Variants in AKAP6 observed in about 807,000 individuals in gnomAD.
AKAP6 encodes A-kinase anchor protein 6.
AKAP6 carries 58 observed loss-of-function variants against 188.5 expected under a neutral mutation model. The ratio of observed to expected loss-of-function variants is 0.31; its 90% CI spans 0.25 to 0.38. The LOEUF (loss-of-function observed/expected upper bound fraction) is 0.38. Among genes scored for constraint, AKAP6 ranks in the 10% least tolerant of loss-of-function variants. The pLI is 1.00. For synonymous variants in AKAP6, 989 were observed against 998.6 expected, an observed-to-expected ratio of 0.99 and a Z score of 0.18; for missense variants, 2,710 against 2,740.0, an observed-to-expected ratio of 0.99 and a Z score of 0.24.
At chr14:32,740,236 C>T (rs1384916339) in intron 11 of AKAP6, among the ~76,000 whole-genome samples, 1 of 151,862 alleles carries the variant, frequency 6.6e-6, no homozygotes, top group African/African-American at 2.4e-5. Context: ...GATTTTTTCC[C>T]TATACAGTTG....
At chr14:32,585,326 A>G (rs1327549625) in intron 5 of AKAP6, among the ~76,000 whole-genome samples, 4 of 152,244 alleles carry the variant, frequency 2.6e-5, no homozygotes, top group African/African-American at 9.6e-5. Context: ...ACAATCAACC[A>G]CAAGAGCCTG....
At chr14:32,491,021 A>G (rs140599349) in intron 2 of AKAP6, among the ~76,000 whole-genome samples, 9 of 152,322 alleles carry the variant, frequency 5.9e-5, no homozygotes, top group African/African-American at 1.9e-4. Flanking sequence ...AATACCAGAA[A>G]AGACATTTAA....
At chr14:32,510,617 T>C (rs575540310) in intron 2 of AKAP6, among the ~76,000 whole-genome samples, 2 of 151,620 alleles carry the variant, frequency 1.3e-5, no homozygotes, top group East Asian at 3.9e-4. Flanking sequence ...CTACCACTTA[T>C]ATAGCCTACT....
At chr14:32,489,154 T>C (rs1031170031) in intron 2 of AKAP6, among the ~76,000 whole-genome samples, 2 of 152,226 alleles carry the variant, frequency 1.3e-5, no homozygotes, top group Non-Finnish European at 2.9e-5. Context: ...TAGTATATTT[T>C]ACTATTCAGG....
chr14:32,350,491 T>C (rs901286407), intron 1 of AKAP6, among the ~76,000 whole-genome samples: 3 of 152,164 alleles, frequency 2.0e-5, no homozygotes, highest in Admixed American at 2.0e-4. Flanking sequence ...TAAGGACATA[T>C]GACAACTAAA....
intron 11 of AKAP6, among the ~76,000 whole-genome samples, chr14:32,744,036 A>C (rs187363062): frequency 6.6e-6 from 1 of 152,218 alleles, no homozygotes; most frequent in East Asian, 1.9e-4. Context: ...TTTGAAAGAT[A>C]TTTTTGCCAG....
rs1457188307 is a variant in AKAP6 at position 32,334,680 on chromosome 14, C to T, written c.-35+5272C>T. On this transcript the variant is annotated intron_variant, in intron 1 of 13. Coordinates refer to ENST00000280979, the MANE Select transcript of AKAP6 (RefSeq NM_004274.5). ...TCCACTGGGGGTCTTGGAACATATT[C>T]CCTGATAATGAGGGGGACTATTGCA... Among the ~76,000 whole-genome samples, 217 of 152,146 alleles carry T rather than the reference C, an allele frequency of 1.4e-3. 1 individual carries two copies. The highest frequency in any genetic ancestry group is 3.2e-4 in the Non-Finnish European group (22 of 68,022).
At chr14:32,673,885 G>A (rs964893160) in intron 7 of AKAP6, among the ~76,000 whole-genome samples, 1 of 152,114 alleles carries the variant, frequency 6.6e-6, no homozygotes, top group Non-Finnish European at 1.5e-5. Flanking sequence ...ATGGAGTTTG[G>A]GGTCTAGAAA....
chr14:32,537,094 C>T (rs1426741819), intron 3 of AKAP6, among the ~76,000 whole-genome samples: 1 of 152,166 alleles, frequency 6.6e-6, no homozygotes, highest in Non-Finnish European at 1.5e-5. Context: ...ATCAACAACA[C>T]CAAACAAATC....
Position 32,735,653 on chromosome 14 carries a change from A to G in AKAP6, c.3148-5A>G, listed in dbSNP as rs1260706747. 1 of 1,537,334 alleles carries G rather than the reference A, an allele frequency of 6.5e-7. No individual in the cohort carries two copies. The highest frequency in any genetic ancestry group is 2.3e-5 in the Admixed American group (1 of 44,142). On this transcript the variant is annotated splice_polypyrimidine_tract_variant and splice_region_variant and intron_variant, in intron 10 of 13. Coordinates refer to ENST00000280979, the MANE Select transcript of AKAP6 (RefSeq NM_004274.5). The stretch of plus-strand genomic sequence containing the variant: ...TATTTTTTGTTTTTTAATCTGATGC[A>G]TTAGAAAACCCTAGGAGAGAAGATC...
intron 9 of AKAP6, among the ~76,000 whole-genome samples, chr14:32,708,472 G>A (rs1056136463): frequency 5.3e-5 from 8 of 151,946 alleles, no homozygotes; most frequent in Admixed American, 6.6e-5. Context: ...TCCCAAAGCC[G>A]TAGCTAGCTA....
chr14:32,400,019 C>T (rs1951691), intron 1 of AKAP6, among the ~76,000 whole-genome samples: 111,826 of 151,914 alleles, frequency 0.74, 44,523 homozygotes, highest in Non-Finnish European at 0.88. Flanking sequence ...TCTTTTCTTC[C>T]ACCAGGACCT....
intron 9 of AKAP6, among the ~76,000 whole-genome samples, chr14:32,729,151 A>G (rs1024875711): frequency 5.3e-5 from 8 of 152,106 alleles, no homozygotes; most frequent in Non-Finnish European, 1.2e-4. Context: ...GAGTTGCTCA[A>G]TGTGTGCCTT....
chr14:32,718,637 G>A (rs1445951349), intron 9 of AKAP6, among the ~76,000 whole-genome samples: 1 of 152,100 alleles, frequency 6.6e-6, no homozygotes, highest in East Asian at 1.9e-4. Context: ...ACCGTTCATG[G>A]CCATGATAAA....
At chr14:32,680,151 G>A (rs1889613602) in intron 8 of AKAP6, among the ~76,000 whole-genome samples, 1 of 152,182 alleles carries the variant, frequency 6.6e-6, no homozygotes. Context: ...TCTGTGAAGT[G>A]GGAGTAGGTG....
chr14:32,391,610 C>T (rs1888719476), intron 1 of AKAP6, among the ~76,000 whole-genome samples: 1 of 152,204 alleles, frequency 6.6e-6, no homozygotes, highest in African/African-American at 2.4e-5. Context: ...TTAACACCAT[C>T]TCCCTCGGTG....
intron 12 of AKAP6, among the ~76,000 whole-genome samples, chr14:32,806,193 G>C (rs2034084361): frequency 1.3e-5 from 2 of 152,190 alleles, no homozygotes; most frequent in Non-Finnish European, 2.9e-5. Flanking sequence ...AACGGGACAT[G>C]AGCTTCACAC....
intron 10 of AKAP6, chr14:32,733,093 G>C (rs190496452): frequency 6.4e-4 from 103 of 161,012 alleles, no homozygotes; most frequent in Non-Finnish European, 1.1e-3. Flanking sequence ...CTGAATTGCA[G>C]AATTGAATCA....
chr14:32,392,126 A>G (rs1888736093), intron 1 of AKAP6, among the ~76,000 whole-genome samples: 2 of 152,258 alleles, frequency 1.3e-5, no homozygotes, highest in African/African-American at 4.8e-5. Context: ...TGAATGGGAT[A>G]GTGAAGGAAA....
Sources: allele counts gnomAD v4.1 joint callset (sites outside exome capture counted in the v4.1 genomes callset), GRCh38; gene constraint gnomAD v4.1.1; transcripts MANE v1.5; gene names NCBI Gene and HGNC (gene_info 2026-07-23, HGNC 2026-07-21).